FAM161A: variants seen among roughly 807,000 people sequenced by gnomAD.
FAM161A encodes protein FAM161A.
FAM161A carries 57 observed loss-of-function variants against 70.9 expected under a neutral mutation model. The observed-to-expected ratio is 0.80, with a 90% CI of 0.65 to 1.00. FAM161A has a LOEUF of 1.00. FAM161A is among the 50% of genes least tolerant of loss of function. The probability of loss-of-function intolerance (pLI) is 0.00; values close to 1 mark genes in which losing one functional copy is unlikely to be tolerated. For synonymous variants in FAM161A, 299 were observed against 295.7 expected (o/e 1.01, Z -0.12); for missense variants, 880 against 836.0 (o/e 1.05, Z -0.65).
At chr2:61,844,933 C>T (rs1673151012) in intron 1 of FAM161A, among the ~76,000 whole-genome samples, 1 of 152,024 alleles carries the variant, frequency 6.6e-6, no homozygotes, top group South Asian at 2.1e-4. Context: ...CATGGTTGGA[C>T]GAGGACAAAG....
At position 61,836,003 on chromosome 2, in the gene FAM161A, A is replaced by G; in HGVS notation, c.1851+7T>C. 1 of 1,595,200 alleles carries G rather than the reference A, an allele frequency of 6.3e-7. No homozygotes were observed. Among genetic ancestry groups the G allele is most frequent in the Non-Finnish European group, 8.6e-7 (1 of 1,167,728 alleles). Reference sequence around the variant, plus strand: ...GACGATAGCTCTTAAATTCCAATAAACACAACCTGAGCAACTCTTTCAAAT... The same window carrying G: ...GACGATAGCTCTTAAATTCCAATAAGCACAACCTGAGCAACTCTTTCAAAT... On this transcript the variant is annotated splice_region_variant and intron_variant, in intron 5 of 6. Transcript: ENST00000404929.
downstream of FAM161A, chr2:61,820,498 C>T (rs1672179777): frequency 2.7e-6 from 2 of 753,240 alleles, no homozygotes; most frequent in Non-Finnish European, 4.8e-6. Context: ...ACCAGGTGCC[C>T]ACCTAACTGT....
At chr2:61,823,107 G>T (rs1672240515), downstream of FAM161A, among the ~76,000 whole-genome samples, 1 of 151,360 alleles carries the variant, frequency 6.6e-6, no homozygotes, top group South Asian at 2.1e-4. Flanking sequence ...GGCCGAGGCA[G>T]ATGGATGACG....
intron 5 of FAM161A, among the ~76,000 whole-genome samples, chr2:61,832,012 G>C (rs892421372): frequency 6.6e-6 from 1 of 152,124 alleles, no homozygotes; most frequent in African/African-American, 2.4e-5. Context: ...GGAAGGCCGA[G>C]AAAGGAGGAT....
chr2:61,814,791 A>C, the FAM161A span, among the ~76,000 whole-genome samples: 1 of 152,166 alleles, frequency 6.6e-6, no homozygotes, highest in Non-Finnish European at 1.5e-5. Context: ...CAACCTGTTG[A>C]GTGCGTATAC....
chr2:61,814,699 G>T, the FAM161A span, among the ~76,000 whole-genome samples: 1 of 152,070 alleles, frequency 6.6e-6, no homozygotes, highest in Non-Finnish European at 1.5e-5. Flanking sequence ...TGGGCAGCAG[G>T]GCAAGACAGG....
chr2:61,820,275 T>G (rs1158223693), downstream of FAM161A: 3 of 687,070 alleles, frequency 4.4e-6, no homozygotes, highest in African/African-American at 5.2e-5. Flanking sequence ...TTGAAACGAC[T>G]GATGAGAGGC....
rs191612160 is a variant in FAM161A at position 61,851,701 on chromosome 2, G to A, written c.183+2158C>T. Among the ~76,000 whole-genome samples, 7 of 152,046 alleles carry A rather than the reference G, an allele frequency of 4.6e-5. No homozygotes were observed. The East Asian group carries it at 1.4e-3, about 30-fold the overall frequency. On this transcript the variant is annotated intron_variant, in intron 1 of 6. Transcript: ENST00000404929. ...TATGTGGACCAACATCTCTGACTAA[G>A]GCTAGATTCAAGGAACAGGCATCAG...
At position 61,838,677 on chromosome 2, in the gene FAM161A, C is replaced by T; in HGVS notation, c.1612G>A (p.Glu538Lys). 1 of 1,608,366 alleles carries T rather than the reference C, an allele frequency of 6.2e-7. No individual in the cohort carries two copies. Among genetic ancestry groups the T allele is most frequent in the Non-Finnish European group, 8.5e-7 (1 of 1,178,022 alleles). The change falls in exon 4 of 7, where the codon GAA becomes AAA. Residue 538 changes from glutamate (E) to lysine (K), a missense_variant. Coordinates refer to ENST00000404929, the MANE Select transcript of FAM161A (RefSeq NM_001201543.2). ...GTTAGGATCCGATTTCTCTCTTCTTCCAACATTTTCTTTTCCTCAAGTGAT... is the reference window on the plus strand; with the variant it reads ...GTTAGGATCCGATTTCTCTCTTCTTTCAACATTTTCTTTTCCTCAAGTGAT... ...RRSLEEKKMLEEERNRILTKQ... is the reference protein window; with the variant it reads ...RRSLEEKKMLKEERNRILTKQ...
At chr2:61,820,450 G>A (rs1290207892), downstream of FAM161A, 8 of 756,066 alleles carry the variant, frequency 1.1e-5, no homozygotes, top group Non-Finnish European at 1.9e-5. Context: ...GAGAGCTGTG[G>A]AACCAAAGAG....
intron 5 of FAM161A, among the ~76,000 whole-genome samples, chr2:61,832,255 A>AC (rs1182851415): frequency 1.3e-5 from 2 of 151,432 alleles, no homozygotes; most frequent in Non-Finnish European, 2.9e-5. Context: ...ACACACAAAA[A>AC]AAAACCAACA....
chr2:61,810,456 T>TA, the FAM161A span, among the ~76,000 whole-genome samples: 4 of 140,394 alleles, frequency 2.8e-5, no homozygotes, highest in African/African-American at 1.1e-4. Context: ...GCACTTCCTT[T>TA]TTTTTTTTTT....
At chr2:61,844,344 A>T (rs747946837) in intron 1 of FAM161A, among the ~76,000 whole-genome samples, 1 of 152,140 alleles carries the variant, frequency 6.6e-6, no homozygotes, top group Non-Finnish European at 1.5e-5. Context: ...CATTCATTAA[A>T]TATTTGGGGG....
intron 6 of FAM161A, 48 bp downstream of exon 6, chr2:61,827,056 T>C: frequency 6.3e-7 from 1 of 1,585,092 alleles, no homozygotes; most frequent in Non-Finnish European, 8.6e-7. Flanking sequence ...TTTCTGCAGG[T>C]AATAATTTTT....
intron 2 of FAM161A, among the ~76,000 whole-genome samples, chr2:61,841,476 C>A (rs926514550): frequency 3.3e-5 from 5 of 152,204 alleles, no homozygotes; most frequent in African/African-American, 1.2e-4. Flanking sequence ...TTCTGGCCTG[C>A]ATCCCTCTGA....
chr2:61,837,038 T>G (rs115198806), intron 4 of FAM161A, among the ~76,000 whole-genome samples: 1 of 152,140 alleles, frequency 6.6e-6, no homozygotes, highest in East Asian at 1.9e-4. Context: ...CTAATTTTTT[T>G]AAATTTTTTG....
At chr2:61,817,043 A>G in the FAM161A span, among the ~76,000 whole-genome samples, 1 of 152,218 alleles carries the variant, frequency 6.6e-6, no homozygotes, top group African/African-American at 2.4e-5. Context: ...TACTAACTTT[A>G]TCTAAAAAAG....
intron 1 of FAM161A, among the ~76,000 whole-genome samples, chr2:61,848,969 TA>T (rs1673369549): frequency 7.3e-4 from 1 of 1,378 alleles, no homozygotes; most frequent in African/African-American, 3.8e-3. Flanking sequence ...TATTTATATA[TA>T]TATATATTTA....
At chr2:61,801,815 C>T in the FAM161A span, among the ~76,000 whole-genome samples, 6 of 152,166 alleles carry the variant, frequency 3.9e-5, no homozygotes, top group South Asian at 1.2e-3. Flanking sequence ...CCTGCCTCAG[C>T]CTCCCAAAGT....
Sources: gnomAD v4.1 joint callset for allele counts (sites outside exome capture counted in the v4.1 genomes callset) on GRCh38, gnomAD v4.1.1 for gene constraint, MANE v1.5 for transcripts, NCBI Gene and HGNC (gene_info 2026-07-23, HGNC 2026-07-21) for gene names.